Variants in TTC27 observed in about 807,000 individuals in gnomAD.
TTC27 encodes tetratricopeptide repeat protein 27.
In TTC27, 79 loss-of-function variants were observed where a neutral mutation model predicts 115.9. The observed-to-expected ratio is 0.68, with a 90% CI of 0.57 to 0.82. The LOEUF (loss-of-function observed/expected upper bound fraction) is 0.82, where lower values mean the gene tolerates loss of function less well. TTC27 is among the 40% of genes least tolerant of loss of function. The pLI, the probability that TTC27 is intolerant of heterozygous loss-of-function variation, is 0.00. For missense variants in TTC27, 1,054 were observed against 993.1 expected (o/e 1.06, Z -0.82); for synonymous variants, 401 against 356.0 (o/e 1.13, Z -1.42).
intron 10 of TTC27, among the ~76,000 whole-genome samples, chr2:32,706,274 G>A (rs572329000): frequency 4.6e-5 from 7 of 151,050 alleles, no homozygotes; most frequent in Admixed American, 1.3e-4. Flanking sequence ...GTAGAGACGG[G>A]GTTTCACCGT....
intron 19 of TTC27, 77 bp from the exon 20 acceptor site, chr2:32,820,739 C>T (rs1671670371): frequency 7.4e-7 from 1 of 1,349,058 alleles, no homozygotes; most frequent in Non-Finnish European, 9.7e-7. Flanking sequence ...GGTTTTTTAA[C>T]TCTATACTCT....
At chr2:32,653,735 A>G (rs1201324814) in intron 5 of TTC27, among the ~76,000 whole-genome samples, 1 of 152,216 alleles carries the variant, frequency 6.6e-6, no homozygotes, top group Non-Finnish European at 1.5e-5. Context: ...ATAATTGTCC[A>G]TTAAGGATTT....
At chr2:32,638,777 A>G (rs544630096) in intron 3 of TTC27, among the ~76,000 whole-genome samples, 1 of 152,322 alleles carries the variant, frequency 6.6e-6, no homozygotes, top group East Asian at 1.9e-4. Context: ...AGGGAGTGGC[A>G]TTACTTGGAT....
At chr2:32,676,030 G>A (rs768346895) in intron 8 of TTC27, among the ~76,000 whole-genome samples, 29 of 152,114 alleles carry the variant, frequency 1.9e-4, no homozygotes, top group Non-Finnish European at 3.8e-4. Flanking sequence ...GATCTCAGGT[G>A]ATCTACCCGC....
At chr2:32,744,087 G>T (rs1668736942) in intron 12 of TTC27, among the ~76,000 whole-genome samples, 1 of 152,206 alleles carries the variant, frequency 6.6e-6, no homozygotes, top group African/African-American at 2.4e-5. Flanking sequence ...AGTCCGATAT[G>T]ATAGATACAC....
chr2:32,766,392 A>T, intron 13 of TTC27: 1 of 270,490 alleles, frequency 3.7e-6, no homozygotes, highest in Non-Finnish European at 7.7e-6. Flanking sequence ...GGTATGTGTG[A>T]CTCTTCCTTT....
chr2:32,791,966 T>A (rs1306638819), intron 16 of TTC27, among the ~76,000 whole-genome samples: 2 of 152,198 alleles, frequency 1.3e-5, no homozygotes, highest in Non-Finnish European at 2.9e-5. Flanking sequence ...CCCCAAACAG[T>A]TATGGAACAT....
chr2:32,742,678 G>T (rs7574617), intron 12 of TTC27, among the ~76,000 whole-genome samples: 93,251 of 151,996 alleles, frequency 0.61, 29,006 homozygotes, highest in African/African-American at 0.7. Context: ...TTGGTGAGAG[G>T]GAAACGTGCT....
intron 11 of TTC27, among the ~76,000 whole-genome samples, chr2:32,736,324 G>T (rs1237597564): frequency 6.6e-6 from 1 of 152,116 alleles, no homozygotes; most frequent in Non-Finnish European, 1.5e-5. Context: ...TCTATTGACT[G>T]CTCAGAGTTT....
rs571321251 is a variant in TTC27 at position 32,732,956 on chromosome 2, T to C, written c.1234-872T>C. Reference sequence around the variant, plus strand: ...GTATAAGTGTATAATACCAGAAAAATATGTACACTTAATGTAAACTGAATG... The same window carrying C: ...GTATAAGTGTATAATACCAGAAAAACATGTACACTTAATGTAAACTGAATG... On this transcript the variant is annotated intron_variant, in intron 10 of 19. Coordinates refer to ENST00000317907, the MANE Select transcript of TTC27 (RefSeq NM_017735.5). Among the ~76,000 whole-genome samples the C allele has an allele frequency of 1.4e-4, 22 of 152,170 alleles. No individual in the cohort carries two copies. The South Asian group carries it at 1.5e-3, about 10-fold the overall frequency.
chr2:32,670,426 G>T (rs554040014), intron 7 of TTC27, among the ~76,000 whole-genome samples: 4 of 152,172 alleles, frequency 2.6e-5, no homozygotes, highest in South Asian at 2.1e-4. Flanking sequence ...GTCTTTTCTA[G>T]AATTTCCAAT....
intron 19 of TTC27, among the ~76,000 whole-genome samples, chr2:32,818,340 A>C (rs1671574954): frequency 6.6e-6 from 1 of 152,214 alleles, no homozygotes; most frequent in Non-Finnish European, 1.5e-5. Flanking sequence ...TAAGTAAAAA[A>C]ATTGACTTAG....
At chr2:32,637,387 A>T (rs959555833) in intron 3 of TTC27, among the ~76,000 whole-genome samples, 1 of 151,340 alleles carries the variant, frequency 6.6e-6, no homozygotes, top group Non-Finnish European at 1.5e-5. Flanking sequence ...GCTGGAGTGC[A>T]GTGGCGCAAT....
chr2:32,770,648 C>G (rs142410164), intron 13 of TTC27, among the ~76,000 whole-genome samples: 24 of 152,356 alleles, frequency 1.6e-4, no homozygotes, highest in African/African-American at 5.3e-4. Flanking sequence ...AGGGATTTAA[C>G]TGAGCCGACC....
chr2:32,750,751 G>T (rs1446213888), intron 12 of TTC27, among the ~76,000 whole-genome samples: 2 of 152,140 alleles, frequency 1.3e-5, no homozygotes, highest in Admixed American at 6.5e-5. Flanking sequence ...AACAAACCTT[G>T]ATTTGTTTAA....
At chr2:32,753,476 C>T (rs1330421600) in intron 12 of TTC27, among the ~76,000 whole-genome samples, 1 of 112,660 alleles carries the variant, frequency 8.9e-6, no homozygotes, top group Non-Finnish European at 1.6e-5. Context: ...CTCTCTCTGT[C>T]ACCCAGGCTG....
intron 9 of TTC27, among the ~76,000 whole-genome samples, chr2:32,695,264 T>C (rs1666945026): frequency 6.6e-6 from 1 of 152,100 alleles, no homozygotes; most frequent in African/African-American, 2.4e-5. Context: ...TCTAGGTACC[T>C]TGTTTAAGGG....
intron 10 of TTC27, among the ~76,000 whole-genome samples, chr2:32,710,126 C>T (rs370459055): frequency 2.0e-5 from 3 of 152,078 alleles, no homozygotes; most frequent in East Asian, 3.9e-4. Context: ...AGTGATTCTC[C>T]CATCTCAGCC....
chr2:32,754,898 G>A (rs1472948501), intron 12 of TTC27, among the ~76,000 whole-genome samples: 4 of 149,888 alleles, frequency 2.7e-5, no homozygotes, highest in Non-Finnish European at 4.5e-5. Flanking sequence ...CCTCCCTCCC[G>A]GACGGGGTGG....
Sources: allele counts gnomAD v4.1 joint callset (sites outside exome capture counted in the v4.1 genomes callset), GRCh38; gene constraint gnomAD v4.1.1; transcripts MANE v1.5; gene names NCBI Gene and HGNC (gene_info 2026-07-23, HGNC 2026-07-21).